The following DMD variants were observed in gnomAD, a reference collection of about 807,000 sequenced individuals.
DMD encodes the protein dystrophin.
Under a neutral mutation model 330.1 loss-of-function variants are expected in DMD, and 63 were observed. The observed-to-expected ratio is 0.19, with a 90% CI of 0.16 to 0.24. The LOEUF (loss-of-function observed/expected upper bound fraction) is 0.24. DMD is among the 10% of genes least tolerant of loss of function. The pLI is 1.00. For synonymous variants in DMD, 1,223 were observed against 959.8 expected, an observed-to-expected ratio of 1.27 and a Z score of -5.07; for missense variants, 3,344 against 2,684.1, an observed-to-expected ratio of 1.25 and a Z score of -5.43.
At chrX:32,206,109 AC>A in intron 44 of DMD, 1 of 518,591 alleles carries the variant, frequency 1.9e-6, no homozygotes, top group South Asian at 2.3e-5. Context: ...AATTAAAGTA[AC>A]ACTGGCAGCT....
chrX:32,516,813 A>G (rs1041844419), intron 18 of DMD: 1 of 111,872 alleles, frequency 8.9e-6, no homozygotes, highest in Non-Finnish European at 1.9e-5. Context: ...CTAATTTTCT[A>G]CAATTATATA....
At chrX:32,733,149 A>G (rs1486218488) in intron 7 of DMD, among the ~76,000 whole-genome samples, 3 of 109,641 alleles carry the variant, frequency 2.7e-5, no homozygotes, top group African/African-American at 1.0e-4. Flanking sequence ...ACCAACAAAG[A>G]TCAAAAGAGA....
At chrX:33,002,881 A>C (rs1221984639) in intron 2 of DMD, among the ~76,000 whole-genome samples, 1 of 103,867 alleles carries the variant, frequency 9.6e-6, no homozygotes, top group Non-Finnish European at 2.0e-5. Context: ...AAAAAGAAGA[A>C]GAAAAAAGAA....
At chrX:33,002,043 G>T (rs762783592) in intron 2 of DMD, among the ~76,000 whole-genome samples, 59 of 111,379 alleles carry the variant, frequency 5.3e-4, no homozygotes, top group African/African-American at 1.8e-3. Flanking sequence ...ATTTTTAAAA[G>T]AAATTATATT....
intron 52 of DMD, among the ~76,000 whole-genome samples, chrX:31,696,572 T>C (rs2083463043): frequency 8.9e-6 from 1 of 112,196 alleles, no homozygotes; most frequent in South Asian, 3.6e-4. Context: ...TTTACACAGT[T>C]GCATTCTATT....
intron 42 of DMD, among the ~76,000 whole-genome samples, chrX:32,307,865 A>G (rs146441553): frequency 1.1e-4 from 12 of 111,341 alleles, no homozygotes; most frequent in African/African-American, 3.6e-4. Context: ...ATATTGCTCT[A>G]AACTTCCAAA....
rs146666658 is a variant in DMD at position 32,481,959 on chromosome X, G to A, written c.2803+2960C>T. Among the ~76,000 whole-genome samples, 839 of 111,560 alleles carry A rather than the reference G, an allele frequency of 7.5e-3. 11 individuals are homozygous for A. The highest frequency in any genetic ancestry group is 0.026 in the African/African-American group (801 of 30,795). On this transcript the variant is annotated intron_variant, in intron 21 of 78. Coordinates refer to ENST00000357033, the MANE Select transcript of DMD (RefSeq NM_004006.3). The stretch of plus-strand genomic sequence containing the variant: ...GTTCTGAAAGCAATCTAATGGTGTA[G>A]AACAGAAGAGAATCATTTTGAAACT...
intron 47 of DMD, among the ~76,000 whole-genome samples, chrX:31,915,321 T>C (rs1363153541): frequency 2.7e-5 from 3 of 112,131 alleles, no homozygotes; most frequent in Non-Finnish European, 5.6e-5. Context: ...GAGAATAGTA[T>C]AGCTGCCTTG....
At chrX:32,429,730 G>A (rs954590561) in intron 29 of DMD, among the ~76,000 whole-genome samples, 2 of 109,212 alleles carry the variant, frequency 1.8e-5, no homozygotes, top group Non-Finnish European at 1.9e-5. Context: ...GCATAAAGTC[G>A]ACATTTAATC....
chrX:31,444,569 G>A lies in DMD; in HGVS notation c.8996C>T (p.Ala2999Val), dbSNP rs762577093. ...AATGCCCAAAGTGGTAAGCTGGCGA[G>A]CAAGGTCATTGACGTGGCTCACGTT... ...KENVSHVNDL[A>V]RQLTTLGIQL... Residue 2999 changes from alanine (A) to valine (V), a missense_variant, in exon 60 of 79, where the codon GCT (alanine) becomes GTT (valine). Transcript: ENST00000357033. 9.1e-6 allele frequency: 11 copies of A among 1,209,971 alleles called. No individual in the cohort carries two copies. Among genetic ancestry groups the A allele is most frequent in the Non-Finnish European group, 1.1e-5 (10 of 895,190 alleles).
chrX:32,125,572 AAT>A (rs1186175816), intron 44 of DMD, among the ~76,000 whole-genome samples: 2 of 111,947 alleles, frequency 1.8e-5, no homozygotes. Context: ...TGGAGATGTA[AAT>A]ATTAGAAGCT....
intron 7 of DMD, among the ~76,000 whole-genome samples, chrX:32,740,094 C>A (rs943425892): frequency 1.8e-5 from 2 of 108,256 alleles, no homozygotes; most frequent in Admixed American, 2.0e-4. Context: ...GTGATGTGCG[C>A]CATTTCCAAG....
At chrX:32,928,560 T>G (rs2089293961) in intron 2 of DMD, among the ~76,000 whole-genome samples, 1 of 111,947 alleles carries the variant, frequency 8.9e-6, no homozygotes, top group Admixed American at 9.5e-5. Context: ...AATCTAACAT[T>G]CAATATTTGC....
intron 4 of DMD, among the ~76,000 whole-genome samples, chrX:32,830,092 A>AG (rs1052032542): frequency 1.8e-5 from 2 of 111,707 alleles, no homozygotes; most frequent in Non-Finnish European, 3.8e-5. Context: ...CATGCCTGAA[A>AG]GGGTATTGTT....
At position 32,365,143 on chromosome X, in the gene DMD, T is replaced by G. The variant is rs772376020; in HGVS notation, c.4902A>C (p.Val1634=). 8.3e-7 allele frequency: 1 copy of G among 1,210,914 alleles called. No homozygotes were observed. The highest frequency in any genetic ancestry group is 3.0e-5 in the East Asian group (1 of 33,775). The change falls in exon 35 of 79, where the codon GTA becomes GTC. Residue 1634 remains valine (V), a synonymous_variant. Transcript: ENST00000357033. ...CCAAAACTGTTTTCAAGGCCTCTCC[T>G]ACCTCTGTGATACTCTTCAGGTGCA... The part of the protein sequence containing the change: ...QKVHLKSITE[V]GEALKTVLGK...
chrX:31,711,460 T>C, intron 52 of DMD, among the ~76,000 whole-genome samples: 2 of 111,280 alleles, frequency 1.8e-5, no homozygotes, highest in Admixed American at 1.9e-4. Context: ...ACAAATCTTT[T>C]TTTTTATTTT....
intron 1 of DMD, among the ~76,000 whole-genome samples, chrX:33,118,829 A>T (rs865981379): frequency 9.0e-6 from 1 of 110,978 alleles, no homozygotes; most frequent in Non-Finnish European, 1.9e-5. Flanking sequence ...TTCACCCTCA[A>T]CTTTTACTCC....
intron 9 of DMD, among the ~76,000 whole-genome samples, chrX:32,682,014 T>C (rs746261187): frequency 9.0e-6 from 1 of 111,520 alleles, no homozygotes; most frequent in Admixed American, 9.5e-5. Context: ...AGTAGGCCAG[T>C]GTATCTGGAG....
chrX:31,886,960 C>T (rs1037640842), intron 47 of DMD, among the ~76,000 whole-genome samples: 1 of 111,580 alleles, frequency 9.0e-6, no homozygotes, highest in Non-Finnish European at 1.9e-5. Flanking sequence ...ACATATCTAT[C>T]AACAACATCT....
Sources: gnomAD v4.1 joint callset for allele counts (sites outside exome capture counted in the v4.1 genomes callset) on GRCh38, gnomAD v4.1.1 for gene constraint, MANE v1.5 for transcripts, NCBI Gene and HGNC (gene_info 2026-07-23, HGNC 2026-07-21) for gene names.